The following MAGI3 variants were observed in gnomAD, a reference collection of about 807,000 sequenced individuals.
MAGI3 encodes the protein membrane associated guanylate kinase, WW and PDZ domain containing 3, also known as membrane-associated guanylate kinase, WW and PDZ domain-containing protein 3.
Under a neutral mutation model 121.8 loss-of-function variants are expected in MAGI3, and 43 were observed. The ratio of observed to expected loss-of-function variants is 0.35; its 90% CI spans 0.28 to 0.46. The LOEUF (loss-of-function observed/expected upper bound fraction) is 0.46, where lower values mean the gene tolerates loss of function less well. Ranked by LOEUF, MAGI3 falls within the 20% of genes least tolerant of loss-of-function variation. The pLI is 1.00. For missense variants in MAGI3, 1,547 were observed against 1,797.3 expected, an observed-to-expected ratio of 0.86 and a Z score of 2.52; for synonymous variants, 553 against 639.3, an observed-to-expected ratio of 0.86 and a Z score of 2.04.
chr1:113,646,712 C>T, intron 12 of MAGI3, 70 bp downstream of exon 12: 3 of 1,192,184 alleles, frequency 2.5e-6, no homozygotes, highest in South Asian at 2.4e-5. Flanking sequence ...AGACTAGGAC[C>T]TTCCCATCTT....
At position 113,535,885 on chromosome 1, in the gene MAGI3, C is replaced by T. The variant is rs563698986; in HGVS notation, c.317-13630C>T. ...CTCACCAACATATCAAAACAACATG[C>T]CCCAATCCAACCTGATTTCCTGCCT... On this transcript the variant is annotated intron_variant, in intron 1 of 20. Transcript: ENST00000307546. Among the ~76,000 whole-genome samples the T allele has an allele frequency of 1.3e-4, 20 of 152,218 alleles. No homozygotes were observed. In the South Asian group the frequency reaches 2.9e-3, roughly 22 times the overall value.
chr1:113,649,002 G>A (rs1282265582), intron 12 of MAGI3, among the ~76,000 whole-genome samples: 2 of 152,198 alleles, frequency 1.3e-5, no homozygotes, highest in Non-Finnish European at 2.9e-5. Context: ...GTATATGGAA[G>A]TGAGAGTAAA....
chr1:113,660,616 ATTTTT>A (rs11363456), intron 16 of MAGI3, among the ~76,000 whole-genome samples: 1 of 129,316 alleles, frequency 7.7e-6, no homozygotes. Flanking sequence ...GATGCTCAGC[ATTTTT>A]TTTTTTTTTT....
chr1:113,659,861 A>G (rs1401615519), intron 16 of MAGI3, among the ~76,000 whole-genome samples: 2 of 152,204 alleles, frequency 1.3e-5, no homozygotes, highest in African/African-American at 4.8e-5. Context: ...ATTAGGAACC[A>G]TCTTTAGCCA....
chr1:113,503,219 TAAAAAAAAAAAAAAAAAAAAA>T (rs869272201), intron 1 of MAGI3, among the ~76,000 whole-genome samples: 6 of 8,996 alleles, frequency 6.7e-4, no homozygotes, highest in African/African-American at 1.8e-3. Flanking sequence ...AGAGTATAAT[TAAAAAAAAAAAAAAAAAAAAA>T]AAAAAAAAAA....
At chr1:113,449,497 T>C (rs983904770) in intron 1 of MAGI3, among the ~76,000 whole-genome samples, 1 of 152,086 alleles carries the variant, frequency 6.6e-6, no homozygotes, top group African/African-American at 2.4e-5. Context: ...ATTTTAACAT[T>C]TGGGGGTTAA....
intron 15 of MAGI3, among the ~76,000 whole-genome samples, chr1:113,656,674 C>T (rs1365688130): frequency 6.6e-6 from 1 of 152,174 alleles, no homozygotes; most frequent in Non-Finnish European, 1.5e-5. Flanking sequence ...ACCTTGGCCT[C>T]CCAAAGTGCT....
chr1:113,643,872 A>C, intron 11 of MAGI3, 98 bp downstream of exon 11: 1 of 1,288,028 alleles, frequency 7.8e-7, no homozygotes, highest in Non-Finnish European at 1.1e-6. Flanking sequence ...ATGATTATCG[A>C]CTGGGAGAAG....
intron 1 of MAGI3, among the ~76,000 whole-genome samples, chr1:113,467,533 T>C (rs949215304): frequency 2.6e-5 from 4 of 152,054 alleles, no homozygotes; most frequent in Non-Finnish European, 4.4e-5. Context: ...AAAAGTTCCC[T>C]ACTATTTTTT....
intron 4 of MAGI3, among the ~76,000 whole-genome samples, chr1:113,587,716 A>G (rs574813302): frequency 5.1e-4 from 78 of 152,336 alleles, no homozygotes; most frequent in African/African-American, 1.8e-3. Context: ...TATAAAGAAC[A>G]TCTTCCCAAG....
chr1:113,633,363 G>A (rs933131150), intron 9 of MAGI3, among the ~76,000 whole-genome samples: 2 of 135,900 alleles, frequency 1.5e-5, no homozygotes, highest in African/African-American at 5.6e-5. Context: ...CCGGGTTCAC[G>A]CCATTCTCCT....
At position 113,401,572 on chromosome 1, in the gene MAGI3, T is replaced by G. The variant is rs9787276; in HGVS notation, c.316+10223T>G. ...CAGATAAATATATTAGATACATATT[T>G]TAGGATAAATATACTTGGGAAAATT... is the stretch of plus-strand genomic sequence containing the variant. On this transcript the variant is annotated intron_variant, in intron 1 of 20. Coordinates refer to ENST00000307546, the MANE Select transcript of MAGI3 (RefSeq NM_001142782.2). Among the ~76,000 whole-genome samples the G allele has an allele frequency of 0.053, 8,076 of 152,244 alleles. 1,312 individuals carry two copies. The East Asian group carries it at 0.62, about 12-fold the overall frequency.
rs145519432 is a variant in MAGI3 at position 113,479,039 on chromosome 1, C to T, written c.317-70476C>T. 4.3e-3 allele frequency among the ~76,000 whole-genome samples: 652 copies of T among 152,282 alleles called. 6 individuals carry two copies. Among genetic ancestry groups the T allele is most frequent in the African/African-American group, 0.014 (576 of 41,568 alleles). On this transcript the variant is annotated intron_variant, in intron 1 of 20. Coordinates refer to ENST00000307546, the MANE Select transcript of MAGI3 (RefSeq NM_001142782.2). ...CTAGCAGTGAGCAAGGCTCTGTGGG[C>T]GTGGGAGCTGCCAAGCCAGGCATGG...
At chr1:113,661,834 A>T (rs1192572131) in intron 16 of MAGI3, among the ~76,000 whole-genome samples, 1 of 152,182 alleles carries the variant, frequency 6.6e-6, no homozygotes, top group Non-Finnish European at 1.5e-5. Flanking sequence ...ATGTTAAATC[A>T]CATTTCACTG....
intron 1 of MAGI3, among the ~76,000 whole-genome samples, chr1:113,468,164 T>C (rs1195669632): frequency 6.6e-6 from 1 of 152,210 alleles, no homozygotes; most frequent in Non-Finnish European, 1.5e-5. Flanking sequence ...TTTCTTTATC[T>C]GTTCAGCCAG....
chr1:113,553,628 A>T (rs1659870321), intron 2 of MAGI3, among the ~76,000 whole-genome samples: 1 of 152,232 alleles, frequency 6.6e-6, no homozygotes, highest in African/African-American at 2.4e-5. Context: ...TAATTAAGCA[A>T]GACCCCAAAG....
intron 2 of MAGI3, among the ~76,000 whole-genome samples, chr1:113,577,884 A>G (rs1409055981): frequency 1.3e-5 from 2 of 152,240 alleles, no homozygotes; most frequent in African/African-American, 2.4e-5. Context: ...ATTATCTATA[A>G]TATGGCTTGC....
At chr1:113,548,692 A>G (rs913823419) in intron 1 of MAGI3, among the ~76,000 whole-genome samples, 2 of 152,180 alleles carry the variant, frequency 1.3e-5, no homozygotes, top group Non-Finnish European at 1.5e-5. Flanking sequence ...CAAGTATAAG[A>G]TATCTGAGGG....
At chr1:113,545,205 T>C (rs1248806145) in intron 1 of MAGI3, among the ~76,000 whole-genome samples, 2 of 152,150 alleles carry the variant, frequency 1.3e-5, no homozygotes, top group Non-Finnish European at 2.9e-5. Flanking sequence ...AATTCCCTAC[T>C]TTAAACTGTG....
Sources: allele counts gnomAD v4.1 joint callset (sites outside exome capture counted in the v4.1 genomes callset), GRCh38; gene constraint gnomAD v4.1.1; transcripts MANE v1.5; gene names NCBI Gene and HGNC (gene_info 2026-07-23, HGNC 2026-07-21).